The following LMF1 variants were observed in gnomAD, a reference collection of about 807,000 sequenced individuals.
LMF1 encodes the protein transmembrane protein 112.
Under a neutral mutation model 60.6 loss-of-function variants are expected in LMF1, and 68 were observed. The observed-to-expected ratio is 1.12, with a 90% CI of 0.92 to 1.37. The LOEUF is 1.37. Ranked by LOEUF, LMF1 falls within the 40% of genes most tolerant of loss-of-function variation. The probability of loss-of-function intolerance (pLI) is 0.00; values close to 1 mark genes in which losing one functional copy is unlikely to be tolerated. For missense variants in LMF1, 948 were observed against 767.2 expected (o/e 1.24, Z -2.78); for synonymous variants, 418 against 324.7 (o/e 1.29, Z -3.09).
intron 5 of LMF1, among the ~76,000 whole-genome samples, chr16:887,499 C>G (rs569583184): frequency 1.3e-5 from 2 of 152,130 alleles, no homozygotes; most frequent in Admixed American, 1.3e-4. Flanking sequence ...GGGCGTGAGC[C>G]GAGGCTTCTG....
At chr16:936,343 G>A (rs1159248729) in intron 2 of LMF1, among the ~76,000 whole-genome samples, 3 of 114,602 alleles carry the variant, frequency 2.6e-5, no homozygotes, top group Non-Finnish European at 5.3e-5. Context: ...AGGGGGCACC[G>A]TGTGGGCTGA....
At chr16:928,659 C>T (rs1224609403) in intron 3 of LMF1, among the ~76,000 whole-genome samples, 1 of 151,862 alleles carries the variant, frequency 6.6e-6, no homozygotes, top group Non-Finnish European at 1.5e-5. Context: ...ATCAACAGCC[C>T]GGTTCCCTGC....
In LMF1 at chr16:874,352, G is replaced by A. The variant is rs2069905600; in HGVS notation, c.898-3011C>T. ...ACAGGGCAAGGAGCCCTTTGGGCAGGGCGGGGTGGGGTGGGGCCGGACAGC... is the reference window on the plus strand; with the variant it reads ...ACAGGGCAAGGAGCCCTTTGGGCAGAGCGGGGTGGGGTGGGGCCGGACAGC... On this transcript the variant is annotated intron_variant, in intron 6 of 10. Transcript: ENST00000262301. This position sits in a 1 kb window ranked among gnomAD's most constrained non-coding sequence, Gnocchi z 4.1. Among the ~76,000 whole-genome samples the A allele has an allele frequency of 6.6e-6, 1 of 151,950 alleles. No homozygotes were observed. Among genetic ancestry groups the A allele is most frequent in the Non-Finnish European group, 1.5e-5 (1 of 67,972 alleles).
At chr16:942,061 C>T (rs754500401) in intron 2 of LMF1, among the ~76,000 whole-genome samples, 20 of 152,216 alleles carry the variant, frequency 1.3e-4, no homozygotes, top group Non-Finnish European at 2.9e-5. Flanking sequence ...TTCCTTCAGC[C>T]TGAAGATATT....
intron 2 of LMF1, among the ~76,000 whole-genome samples, chr16:943,164 G>T (rs954382899): frequency 6.6e-6 from 1 of 152,002 alleles, no homozygotes; most frequent in Non-Finnish European, 1.5e-5. Flanking sequence ...AAGGTCAGGA[G>T]ATCGAGACCA....
chr16:922,635 G>A (rs2071466875), intron 3 of LMF1, among the ~76,000 whole-genome samples: 1 of 132,382 alleles, frequency 7.6e-6, no homozygotes, highest in South Asian at 2.6e-4. Context: ...TTGTTGCGAA[G>A]GCCCTGTGTG....
At chr16:876,988 G>T (rs920326006) in intron 6 of LMF1, among the ~76,000 whole-genome samples, 1 of 152,204 alleles carries the variant, frequency 6.6e-6, no homozygotes, top group Non-Finnish European at 1.5e-5. Flanking sequence ...AGACGGCCAC[G>T]CTGACCCTAA....
chr16:978,097 GGACACA>G (rs1401475563), intron 1 of LMF1, among the ~76,000 whole-genome samples: 3,778 of 126,846 alleles, frequency 0.03, 239 homozygotes, highest in African/African-American at 0.1. Context: ...AAACACACAC[GGACACA>G]CACACACCAC....
At chr16:885,912 C>T (rs544480149) in intron 5 of LMF1, among the ~76,000 whole-genome samples, 2 of 152,312 alleles carry the variant, frequency 1.3e-5, no homozygotes, top group East Asian at 3.9e-4. Flanking sequence ...TCATTTTTGG[C>T]TCAAACGGAA....
chr16:934,542 T>C (rs2071886255), intron 2 of LMF1: 1 of 436,946 alleles, frequency 2.3e-6, no homozygotes, highest in South Asian at 2.5e-5. Context: ...AATTAATACT[T>C]ATTTTTTTGC....
chr16:876,376 C>G (rs1276372275), intron 6 of LMF1, among the ~76,000 whole-genome samples: 1 of 152,220 alleles, frequency 6.6e-6, no homozygotes, highest in East Asian at 1.9e-4. Context: ...CTGCATGAAG[C>G]TGTGATGGGG....
In LMF1 at chr16:962,510, C is replaced by T. The variant is rs1157334113; in HGVS notation, c.194-7844G>A. On this transcript the variant is annotated intron_variant, in intron 1 of 10. Coordinates refer to ENST00000262301, the MANE Select transcript of LMF1 (RefSeq NM_022773.4). The surrounding 1 kb of genome is among the most constrained non-coding windows in gnomAD (Gnocchi z 4.5). ...GACCTTGGCCGGGTGATCAGAAAGC[C>T]GTGCGGACGTCAGGACCCTGATACG... 2.0e-5 allele frequency among the ~76,000 whole-genome samples: 3 copies of T among 152,166 alleles called. No individual in the cohort carries two copies. Among genetic ancestry groups the T allele is most frequent in the South Asian group, 4.1e-4 (2 of 4,820 alleles).
chr16:929,590 C>T (rs2071711100), intron 3 of LMF1, among the ~76,000 whole-genome samples: 1 of 152,234 alleles, frequency 6.6e-6, no homozygotes, highest in Non-Finnish European at 1.5e-5. Flanking sequence ...TCCAGGCTCA[C>T]TGAATATCAA....
chr16:876,257 G>C (rs546168128), intron 6 of LMF1, among the ~76,000 whole-genome samples: 1 of 152,374 alleles, frequency 6.6e-6, no homozygotes, highest in African/African-American at 2.4e-5. Flanking sequence ...CAGGAAGCCA[G>C]TCCGCAAAGG....
At chr16:951,772 T>C (rs2072476355) in intron 2 of LMF1, among the ~76,000 whole-genome samples, 1 of 152,190 alleles carries the variant, frequency 6.6e-6, no homozygotes, top group Non-Finnish European at 1.5e-5. Context: ...CAGTGAAGAC[T>C]GCAGAGCGAC....
chr16:964,797 G>A (rs897039809), intron 1 of LMF1, among the ~76,000 whole-genome samples: 1 of 152,208 alleles, frequency 6.6e-6, no homozygotes, highest in Admixed American at 6.5e-5. Context: ...ATCTGACGAG[G>A]ATGCCAAGCT....
upstream of LMF1, among the ~76,000 whole-genome samples, chr16:973,902 C>T (rs2073089503): frequency 1.3e-5 from 2 of 150,790 alleles, no homozygotes; most frequent in African/African-American, 2.4e-5. Flanking sequence ...CCCAGCTACT[C>T]GGGAGGCTGA....
intron 1 of LMF1, among the ~76,000 whole-genome samples, chr16:956,581 C>T (rs191361128): frequency 9.8e-5 from 15 of 152,346 alleles, no homozygotes; most frequent in Admixed American, 2.6e-4. Flanking sequence ...GGGTGGCTCA[C>T]GCCTGTAATC....
At chr16:887,453 G>A (rs1006563448) in intron 5 of LMF1, among the ~76,000 whole-genome samples, 5 of 152,328 alleles carry the variant, frequency 3.3e-5, no homozygotes, top group East Asian at 1.9e-4. Flanking sequence ...GGGCACACGC[G>A]GTCTCGGTAC....
Sources: gnomAD v4.1 joint callset for allele counts (sites outside exome capture counted in the v4.1 genomes callset) on GRCh38, gnomAD v4.1.1 for gene constraint, Gnocchi (gnomAD v3.1) non-coding constraint, MANE v1.5 for transcripts, NCBI Gene and HGNC (gene_info 2026-07-23, HGNC 2026-07-21) for gene names.